Variants in EFL1 observed in about 807,000 individuals in gnomAD.
EFL1 encodes the protein elongation factor-like GTPase 1.
A neutral mutation model predicts 126.7 loss-of-function variants in EFL1; 76 were observed. That is an observed-to-expected ratio of 0.60 (90% CI 0.50 to 0.73). The LOEUF (loss-of-function observed/expected upper bound fraction) is 0.73, where lower values mean the gene tolerates loss of function less well. EFL1 is among the 30% of genes least tolerant of loss of function. The pLI is 0.00. For synonymous variants in EFL1, 410 were observed against 448.4 expected (o/e 0.91, Z 1.08); for missense variants, 1,128 against 1,343.2 (o/e 0.84, Z 2.50).
chr15:82,236,904 G>A (rs1169300510), intron 7 of EFL1, among the ~76,000 whole-genome samples: 2 of 152,210 alleles, frequency 1.3e-5, no homozygotes, highest in Non-Finnish European at 2.9e-5. Flanking sequence ...AGCACTGTGG[G>A]AGGCCGAGGC....
At chr15:82,144,261 CA>C (rs11378860) in intron 18 of EFL1, among the ~76,000 whole-genome samples, 2,739 of 143,888 alleles carry the variant, frequency 0.019, 34 homozygotes, top group Non-Finnish European at 0.027. Context: ...GTCTCCAAAA[CA>C]AAAAAAAAAA....
chr15:82,225,363 G>T (rs2074752570), intron 11 of EFL1, 99 bp from the exon 12 acceptor site: 2 of 891,664 alleles, frequency 2.2e-6, no homozygotes, highest in Admixed American at 3.5e-5. Context: ...GAACATGGAT[G>T]GCATCATCAA....
intron 4 of EFL1, among the ~76,000 whole-genome samples, chr15:82,251,449 A>C (rs1475534957): frequency 6.6e-6 from 1 of 152,234 alleles, no homozygotes; most frequent in East Asian, 1.9e-4. Context: ...CTAGAGACAA[A>C]GTATAGAGCA....
intron 3 of EFL1, among the ~76,000 whole-genome samples, chr15:82,254,711 T>C (rs1423086038): frequency 6.6e-6 from 1 of 152,178 alleles, no homozygotes; most frequent in Non-Finnish European, 1.5e-5. Context: ...CACATTGACG[T>C]AATTTATTCA....
At chr15:82,235,595 A>G (rs2074864717) in intron 7 of EFL1, among the ~76,000 whole-genome samples, 2 of 152,168 alleles carry the variant, frequency 1.3e-5, no homozygotes, top group South Asian at 2.1e-4. Context: ...AAGAAGAAAA[A>G]TCATACAAAT....
intron 15 of EFL1, among the ~76,000 whole-genome samples, chr15:82,200,262 A>C (rs939324644): frequency 2.0e-4 from 30 of 152,226 alleles, no homozygotes; most frequent in African/African-American, 7.2e-4. Context: ...TACAAATGCC[A>C]AAATAAATGG....
intron 4 of EFL1, among the ~76,000 whole-genome samples, chr15:82,250,544 AACAG>A (rs1194661054): frequency 1.4e-5 from 2 of 147,714 alleles, no homozygotes; most frequent in African/African-American, 5.1e-5. Flanking sequence ...ATAAGGTGAA[AACAG>A]ACAGGATAAT....
At position 82,253,500 on chromosome 15, in the gene EFL1, C is replaced by T. The variant is rs185782983; in HGVS notation, c.160-725G>A. ...GAGTGTTGCTCATCCAAATATCAGC[C>T]GTGAATGATGGGGCAGGTCAAGAAC... On this transcript the variant is annotated intron_variant, in intron 3 of 19. Transcript: ENST00000268206. Among the ~76,000 whole-genome samples the T allele has an allele frequency of 3.3e-5, 5 of 152,128 alleles. No individual in the cohort carries two copies. In the East Asian group the frequency reaches 5.8e-4, roughly 18 times the overall value.
At chr15:82,245,460 C>T (rs977669478) in intron 4 of EFL1, among the ~76,000 whole-genome samples, 4 of 152,064 alleles carry the variant, frequency 2.6e-5, no homozygotes, top group African/African-American at 9.7e-5. Context: ...TCTTAAATCA[C>T]TATTATCCTT....
chr15:82,147,837 G>A (rs182900303), intron 18 of EFL1, among the ~76,000 whole-genome samples: 57 of 152,140 alleles, frequency 3.7e-4, no homozygotes, highest in African/African-American at 1.3e-3. Context: ...TATTTTAAGA[G>A]GACATGCACA....
chr15:82,239,388 G>A (rs540694796), intron 6 of EFL1, among the ~76,000 whole-genome samples: 19 of 152,180 alleles, frequency 1.2e-4, no homozygotes, highest in African/African-American at 3.4e-4. Context: ...CACCCGCCTC[G>A]GCCTCCCAAA....
At chr15:82,221,346 A>G (rs1356715602) in intron 12 of EFL1, among the ~76,000 whole-genome samples, 2 of 152,086 alleles carry the variant, frequency 1.3e-5, no homozygotes, top group African/African-American at 4.8e-5. Context: ...CATGCAGGTA[A>G]CCATTCTCCC....
intron 15 of EFL1, chr15:82,174,397 A>T (rs57264750): frequency 0.068 from 10,135 of 149,420 alleles, 492 homozygotes; most frequent in African/African-American, 0.13. Context: ...TATGATGATT[A>T]AAAAAAAATG....
intron 15 of EFL1, among the ~76,000 whole-genome samples, chr15:82,181,779 C>T (rs1377870938): frequency 1.3e-5 from 2 of 152,116 alleles, no homozygotes; most frequent in Non-Finnish European, 1.5e-5. Context: ...ATTCAAATCA[C>T]GTTCCTTATT....
intron 18 of EFL1, among the ~76,000 whole-genome samples, chr15:82,149,548 T>C (rs1445551093): frequency 6.6e-6 from 1 of 152,160 alleles, no homozygotes; most frequent in African/African-American, 2.4e-5. Context: ...TTGGAGGGTA[T>C]GTGAGGTGCT....
intron 11 of EFL1, among the ~76,000 whole-genome samples, chr15:82,225,765 A>T (rs1183547017): frequency 6.6e-6 from 1 of 152,232 alleles, no homozygotes; most frequent in Non-Finnish European, 1.5e-5. Flanking sequence ...TCTTAGAAAT[A>T]AATTAAGATT....
At position 82,163,803 on chromosome 15, in the gene EFL1, T is replaced by C. The variant is rs371478629; in HGVS notation, c.1882+50A>G. 132 of 1,593,620 alleles carry C rather than the reference T, an allele frequency of 8.3e-5. No homozygotes were observed. In the African/African-American group the frequency reaches 1.5e-3, roughly 18 times the overall value. On this transcript the variant is annotated intron_variant, in intron 16 of 19. Coordinates refer to ENST00000268206, the MANE Select transcript of EFL1 (RefSeq NM_024580.6). ...GAATCAAATACTAAATACATGCATA[T>C]GCTTTAAAAGTATAATAAACATATG...
At chr15:82,157,587 G>T in intron 17 of EFL1, 126 bp downstream of exon 17, 1 of 1,147,714 alleles carries the variant, frequency 8.7e-7, no homozygotes, top group South Asian at 1.8e-5. Flanking sequence ...GTTCATGTCT[G>T]AATTGAGGGC....
intron 12 of EFL1, among the ~76,000 whole-genome samples, chr15:82,224,253 T>C (rs922945435): frequency 4.6e-5 from 7 of 152,234 alleles, no homozygotes; most frequent in African/African-American, 1.7e-4. Context: ...TATATCTGCA[T>C]ATTATTATTT....
Sources: gnomAD v4.1 joint callset for allele counts (sites outside exome capture counted in the v4.1 genomes callset) on GRCh38, gnomAD v4.1.1 for gene constraint, MANE v1.5 for transcripts, NCBI Gene and HGNC (gene_info 2026-07-23, HGNC 2026-07-21) for gene names.